Variants in RBM5 observed in about 807,000 individuals in gnomAD.
The protein encoded by RBM5 is RNA-binding protein 5.
A neutral mutation model predicts 124.6 loss-of-function variants in RBM5; 15 were observed. That is an observed-to-expected ratio of 0.12 (90% CI 0.08 to 0.19). The LOEUF (loss-of-function observed/expected upper bound fraction) is 0.19, where lower values mean the gene tolerates loss of function less well. Ranked by LOEUF, RBM5 falls within the 10% of genes least tolerant of loss-of-function variation. RBM5 has a pLI of 1.00. For synonymous variants in RBM5, 337 were observed against 361.2 expected, an observed-to-expected ratio of 0.93 and a Z score of 0.76; for missense variants, 580 against 1,026.5, an observed-to-expected ratio of 0.57 and a Z score of 5.94.
intron 10 of RBM5, among the ~76,000 whole-genome samples, chr3:50,105,928 G>A (rs930044764): frequency 6.6e-6 from 1 of 151,976 alleles, no homozygotes; most frequent in Non-Finnish European, 1.5e-5. Flanking sequence ...TTGAGCCACA[G>A]TTTAGTCCTT....
At chr3:50,107,234 C>A in intron 11 of RBM5, 1 of 601,658 alleles carries the variant, frequency 1.7e-6, no homozygotes, top group Admixed American at 2.8e-5. Context: ...GTAAATTTCC[C>A]TTTTTTTAGT....
rs376292587 is a variant in RBM5, at chr3:50,105,539, T to C, written c.695-10T>C. 6 of 1,611,954 alleles carry C rather than the reference T, an allele frequency of 3.7e-6. No individual in the cohort carries two copies. In the African/African-American group the frequency reaches 4.0e-5, roughly 11 times the overall value. On this transcript the variant is annotated splice_polypyrimidine_tract_variant and intron_variant, in intron 9 of 24. Coordinates refer to ENST00000347869, the MANE Select transcript of RBM5 (RefSeq NM_005778.4). ...TGCATGTGTATGTCATTTGTCTCATTTACCCCTAGCGATCATTCTTCGGAA... is the reference window on the plus strand; with the variant it reads ...TGCATGTGTATGTCATTTGTCTCATCTACCCCTAGCGATCATTCTTCGGAA...
In RBM5 at chr3:50,118,802, G is replaced by A. The variant is rs772295332; in HGVS notation, c.*346G>A. 9.1e-6 allele frequency: 2 copies of A among 218,644 alleles called. No homozygotes were observed. The highest frequency in any genetic ancestry group is 1.8e-5 in the Non-Finnish European group (2 of 110,260). 13.5% of individuals were successfully genotyped at this position (218,644 alleles called of 1,614,324 possible). On this transcript the variant is annotated 3_prime_UTR_variant, in exon 25 of 25. Transcript: ENST00000347869. ...CCTAGGGGTTTGAGATGCTGTAGGT[G>A]GTATGTGACACCAAAGCCACCTCTG...
intron 4 of RBM5, among the ~76,000 whole-genome samples, chr3:50,096,074 T>C (rs565196251): frequency 1.3e-5 from 2 of 152,276 alleles, no homozygotes; most frequent in East Asian, 3.9e-4. Flanking sequence ...TGTGATCCAC[T>C]GCACATCTGC....
chr3:50,113,715 C>T lies in RBM5; in HGVS notation c.1617+171C>T, dbSNP rs553114516. ...ATTTGTTATTGTTACCATATCTTGA[C>T]TGTCAGCCTGTGTACTTAGGGAAAA... On this transcript the variant is annotated intron_variant, in intron 18 of 24. Coordinates refer to ENST00000347869, the MANE Select transcript of RBM5 (RefSeq NM_005778.4). 5.9e-5 allele frequency among the ~76,000 whole-genome samples: 9 copies of T among 152,302 alleles called. No individual in the cohort carries two copies. In the East Asian group the frequency reaches 1.5e-3, roughly 26 times the overall value.
chr3:50,093,267 GTC>G (rs2090741989), intron 3 of RBM5, among the ~76,000 whole-genome samples: 1 of 151,112 alleles, frequency 6.6e-6, no homozygotes, highest in Non-Finnish European at 1.5e-5. Context: ...GTGAAACCCT[GTC>G]TCTACTAAAA....
At chr3:50,110,258 C>A in intron 15 of RBM5, 121 bp from the exon 16 acceptor site, 1 of 806,624 alleles carries the variant, frequency 1.2e-6, no homozygotes, top group Non-Finnish European at 2.0e-6. Flanking sequence ...TGAGGGATTG[C>A]CTTAGATTAT....
chr3:50,106,798 G>A lies in RBM5; in HGVS notation c.887G>A (p.Ser296Asn). The A allele has an allele frequency of 6.2e-7, 1 of 1,612,860 alleles. No individual in the cohort carries two copies. ...DASQLLQILQ[S>N]LHPPLKIDGK... is the part of the protein sequence containing the mutation. The stretch of plus-strand genomic sequence containing the variant: ...TCTCAGCTGCTTCAGATATTACAGA[G>A]TCTCCATCCTCCTTTGAAAATTGAT... Residue 296 changes from serine to asparagine, a missense_variant, in exon 11 of 25, where the codon AGT becomes AAT. Physicochemically the swap from Ser to Asn is conservative, Grantham distance 46. This residue lies in a region of RBM5 where 42 missense variants were observed against 101.1 expected (regional missense o/e 0.42). Transcript: ENST00000347869.
At position 50,105,099 on chromosome 3, in the gene RBM5, T is replaced by C; in HGVS notation, c.651T>C (p.Pro217=). 6.3e-7 allele frequency: 1 copy of C among 1,596,014 alleles called. No homozygotes were observed. Among genetic ancestry groups the C allele is most frequent in the Non-Finnish European group, 8.6e-7 (1 of 1,163,946 alleles). Residue 217 remains proline, a synonymous_variant, in exon 9 of 25, where the codon CCT becomes CCC. Transcript: ENST00000347869. The stretch of plus-strand genomic sequence containing the variant: ...TAGACTCTGAACAGGAAGTGCCTCC[T>C]GGAACCACAGAGTCGGTTCAGTCTG... ...DKFDSEQEVP[P]GTTESVQSVD...
Position 50,107,506 on chromosome 3 carries a change from C to T in RBM5, c.978C>T (p.Asn326=). 4 of 1,607,792 alleles carry T rather than the reference C, an allele frequency of 2.5e-6. No homozygotes were observed. The highest frequency in any genetic ancestry group is 3.4e-6 in the Non-Finnish European group (4 of 1,174,392). Residue 326 remains asparagine, a synonymous_variant, in exon 12 of 25, where the codon AAC becomes AAT. Transcript: ENST00000347869. Reference sequence around the variant, plus strand: ...GAGACTTGGTCCTCTCAGATGGTAACCGCGTCAGCGCTTTCTCTGTAGCTA... The same window carrying T: ...GAGACTTGGTCCTCTCAGATGGTAATCGCGTCAGCGCTTTCTCTGTAGCTA... The part of the protein sequence containing the change: ...ARKDLVLSDG[N]RVSAFSVAST...
chr3:50,108,437 G>T, intron 14 of RBM5, 133 bp downstream of exon 14: 1 of 881,096 alleles, frequency 1.1e-6, no homozygotes, highest in East Asian at 2.6e-5. Flanking sequence ...GGCCGGGCAC[G>T]GTGGCTCACG....
At chr3:50,110,344 A>G (rs1338226049) in intron 15 of RBM5, 35 bp from the exon 16 acceptor site, 1 of 1,585,914 alleles carries the variant, frequency 6.3e-7, no homozygotes, top group East Asian at 2.2e-5. Flanking sequence ...AAGGCTTTAC[A>G]GTTGAAATTA....
At chr3:50,106,620 C>G (rs1365169501) in intron 10 of RBM5, 147 bp from the exon 11 acceptor site, 3 of 618,404 alleles carry the variant, frequency 4.9e-6, no homozygotes, top group Non-Finnish European at 8.4e-6. Flanking sequence ...AGAGATATTC[C>G]TTTCTTGAGG....
intron 14 of RBM5, 117 bp from the exon 15 acceptor site, chr3:50,109,486 T>C: frequency 1.3e-6 from 1 of 771,720 alleles, no homozygotes; most frequent in Non-Finnish European, 2.2e-6. Context: ...GGAAGTTAGC[T>C]TATGAAGAAC....
At chr3:50,094,208 G>A (rs2090763176) in intron 4 of RBM5, 1 of 165,884 alleles carries the variant, frequency 6.0e-6, no homozygotes, top group Non-Finnish European at 1.3e-5. Flanking sequence ...CCAGGCTGGA[G>A]TGCAGTGGTA....
At chr3:50,109,791 T>G in intron 15 of RBM5, 103 bp downstream of exon 15, 3 of 811,110 alleles carry the variant, frequency 3.7e-6, no homozygotes, top group South Asian at 1.6e-5. Flanking sequence ...GATTGAGTAA[T>G]ACACACTTCA....
At chr3:50,090,861 T>A (rs9809001) in intron 2 of RBM5, among the ~76,000 whole-genome samples, 2,560 of 152,334 alleles carry the variant, frequency 0.017, 99 homozygotes, top group African/African-American at 0.057. Flanking sequence ...TTAGCACAGT[T>A]CCTGGCTGTG....
chr3:50,110,571 G>C (rs527567666), intron 16 of RBM5, 108 bp downstream of exon 16: 1 of 1,435,254 alleles, frequency 7.0e-7, no homozygotes, highest in African/African-American at 1.4e-5. Context: ...ACTTGGGGAT[G>C]TGAGACAGAG....
Position 50,108,136 on chromosome 3 carries a change from C to G in RBM5, c.1108C>G (p.Gln370Glu). Reference sequence around the variant, plus strand: ...GCAACCAGGTCAAGATGGCTATGCCCAATATGCTCAGGTAGGTAGATTTTA... The same window carrying G: ...GCAACCAGGTCAAGATGGCTATGCCGAATATGCTCAGGTAGGTAGATTTTA... The part of the protein sequence containing the change: ...YLQPGQDGYA[Q>E]YAQYSQDYQQ... Residue 370 changes from glutamine (Q) to glutamate (E), a missense_variant, in exon 13 of 25, where the codon CAA becomes GAA. Around this residue, in one of 6 missense-constraint regions of RBM5, gnomAD observed 104 missense variants for 128.7 expected, o/e 0.81. Coordinates refer to ENST00000347869, the MANE Select transcript of RBM5 (RefSeq NM_005778.4). 1 of 1,609,784 alleles carries G rather than the reference C, an allele frequency of 6.2e-7. No homozygotes were observed. The highest frequency in any genetic ancestry group is 2.2e-5 in the East Asian group (1 of 44,854).
Sources: allele counts gnomAD v4.1 joint callset (sites outside exome capture counted in the v4.1 genomes callset), GRCh38; gene constraint gnomAD v4.1.1; regional missense constraint gnomAD v4.1.1; transcripts MANE v1.5; gene names NCBI Gene and HGNC (gene_info 2026-07-23, HGNC 2026-07-21).